The following ZNF432 variants were observed in gnomAD, a reference collection of about 807,000 sequenced individuals.
The protein encoded by ZNF432 is zinc finger protein 432.
ZNF432 carries 10 observed loss-of-function variants against 13.9 expected under a neutral mutation model. The ratio of observed to expected loss-of-function variants is 0.72; its 90% CI spans 0.44 to 1.22. The LOEUF (loss-of-function observed/expected upper bound fraction) is 1.22. Ranked by LOEUF, ZNF432 falls within the 50% of genes most tolerant of loss-of-function variation. ZNF432 has a pLI of 0.00. For missense variants in ZNF432, 793 were observed against 796.2 expected (o/e 1.00, Z 0.05); for synonymous variants, 247 against 256.2 (o/e 0.96, Z 0.34).
Position 52,037,370 on chromosome 19 carries a change from G to C in ZNF432, c.239-1930C>G, listed in dbSNP as rs190375377. On this transcript the variant is annotated intron_variant, in intron 4 of 4. Coordinates refer to ENST00000221315, the MANE Select transcript of ZNF432 (RefSeq NM_014650.4). The stretch of plus-strand genomic sequence containing the variant: ...CGTTATCATATGTTTCATTAATTAT[G>C]AAACAGGAAAACAATGATAGGGAAT... Among the ~76,000 whole-genome samples, 4 of 152,314 alleles carry C rather than the reference G, an allele frequency of 2.6e-5. No individual in the cohort carries two copies. In the East Asian group the frequency reaches 7.7e-4, roughly 29 times the overall value.
Position 52,033,314 on chromosome 19 carries a change from CT to C in ZNF432, c.*405del, listed in dbSNP as rs1173838389. ...TATATGCATGTATGCTAGGAGCACA[CT>C]GCTGTTTAATCAGTTCACATTACTA... On this transcript the variant is annotated 3_prime_UTR_variant, in exon 5 of 5. Coordinates refer to ENST00000221315, the MANE Select transcript of ZNF432 (RefSeq NM_014650.4). 1.2e-5 allele frequency: 2 copies of C among 171,172 alleles called. No individual in the cohort carries two copies. Among genetic ancestry groups the C allele is most frequent in the African/African-American group, 4.8e-5 (2 of 41,772 alleles). 10.6% of individuals were successfully genotyped at this position (171,172 alleles called of 1,614,324 possible). A position where few individuals can be genotyped will look rare whatever the true frequency, so the allele number is the denominator to read the frequency against.
At chr19:52,039,184 C>A (rs2087111070) in intron 4 of ZNF432, among the ~76,000 whole-genome samples, 1 of 152,152 alleles carries the variant, frequency 6.6e-6, no homozygotes, top group Non-Finnish European at 1.5e-5. Context: ...GTACTTGGAC[C>A]CCCTCCTGGA....
intron 2 of ZNF432, among the ~76,000 whole-genome samples, chr19:52,042,857 T>C (rs764819943): frequency 1.3e-5 from 2 of 152,132 alleles, no homozygotes; most frequent in African/African-American, 2.4e-5. Context: ...CAACTGTTAA[T>C]AGAAGGAAAA....
At chr19:52,039,888 G>T (rs775688809) in intron 4 of ZNF432, among the ~76,000 whole-genome samples, 6 of 150,988 alleles carry the variant, frequency 4.0e-5, no homozygotes, top group Non-Finnish European at 5.9e-5. Flanking sequence ...ATTGCCTAGG[G>T]CTGGGGGCTT....
rs770315114 is a variant in ZNF432, at chr19:52,034,062, T to C, written c.1617A>G (p.Lys539=). 39 of 1,613,984 alleles carry C rather than the reference T, an allele frequency of 2.4e-5. No homozygotes were observed. The highest frequency in any genetic ancestry group is 1.0e-4 in the Admixed American group (6 of 60,010). Residue 539 remains lysine, a synonymous_variant, in exon 5 of 5, where the codon AAA becomes AAG. Coordinates refer to ENST00000221315, the MANE Select transcript of ZNF432 (RefSeq NM_014650.4). ...VVHQRTHTGE[K]PFMCSECGKG... is the part of the protein sequence containing the mutation. ...TTCCACATTCACTGCACATAAAGGG[T>C]TTCTCTCCAGTATGAGTTCGCTGGT... is the stretch of plus-strand genomic sequence containing the variant.
Position 52,033,973 on chromosome 19 carries a change from C to A in ZNF432, c.1706G>T (p.Cys569Phe), listed in dbSNP as rs1350514148. 3.1e-6 allele frequency: 5 copies of A among 1,614,106 alleles called. No individual in the cohort carries two copies. In the South Asian group the frequency reaches 5.5e-5, roughly 18 times the overall value. ...GCCTCTTCCACATTCACTACATATA[C>A]AAGATTTCTCTTCTGTATGAATTTG... ...HQQIHTEEKS[C>F]ICSECGRGFA... The change falls in exon 5 of 5, where the codon TGT becomes TTT. Residue 569 changes from cysteine (C) to phenylalanine (F), a missense_variant. By Grantham distance (205) the Cys-to-Phe change is radical (BLOSUM62 -2). Coordinates refer to ENST00000221315, the MANE Select transcript of ZNF432 (RefSeq NM_014650.4).
At chr19:52,045,202 C>T (rs999477618) in intron 2 of ZNF432, among the ~76,000 whole-genome samples, 1 of 152,210 alleles carries the variant, frequency 6.6e-6, no homozygotes, top group Non-Finnish European at 1.5e-5. Context: ...CAGACACATA[C>T]ATAAAACACA....
chr19:52,034,499 T>C lies in ZNF432; in HGVS notation c.1180A>G (p.Thr394Ala). 1 of 1,614,062 alleles carries C rather than the reference T, an allele frequency of 6.2e-7. No homozygotes were observed. The highest frequency in any genetic ancestry group is 8.5e-7 in the Non-Finnish European group (1 of 1,180,032). ...MKSRMIEHQR[T>A]HTGEKPYICS... ...ATGTAGGGTTTCTCTCCTGTATGAG[T>C]TCGTTGATGTTCGATCATACGGCTC... Residue 394 changes from threonine to alanine, a missense_variant, in exon 5 of 5, where the codon ACT (threonine) becomes GCT (alanine). By Grantham distance (58) the Thr-to-Ala change is moderately conservative (BLOSUM62 0). Coordinates refer to ENST00000221315, the MANE Select transcript of ZNF432 (RefSeq NM_014650.4).
chr19:52,041,369 G>A, intron 3 of ZNF432, 111 bp downstream of exon 3: 8 of 1,377,352 alleles, frequency 5.8e-6, no homozygotes, highest in Non-Finnish European at 6.8e-6. Flanking sequence ...CAGAGGATGT[G>A]CCAAAAATCT....
chr19:52,040,405 C>A, intron 4 of ZNF432, 83 bp downstream of exon 4: 1 of 1,214,006 alleles, frequency 8.2e-7, no homozygotes. Context: ...AATGTAGGCA[C>A]TGCTTCTGTG....
chr19:52,034,228 G>T lies in ZNF432; in HGVS notation c.1451C>A (p.Pro484His). Residue 484 changes from proline to histidine, a missense_variant, in exon 5 of 5, where the codon CCT becomes CAT. Coordinates refer to ENST00000221315, the MANE Select transcript of ZNF432 (RefSeq NM_014650.4). ...TTTCCCACATTCACTGCACCTGTAA[G>T]GTTTCTCTCCAGTATGAGTTCGCTG... is the stretch of plus-strand genomic sequence containing the variant. ...VHQRTHTGEK[P>H]YRCSECGKGF... 6.2e-7 allele frequency: 1 copy of T among 1,614,144 alleles called. No individual in the cohort carries two copies. The highest frequency in any genetic ancestry group is 8.5e-7 in the Non-Finnish European group (1 of 1,180,032).
At chr19:52,045,924 CGTGGAGG>C (rs2087177152) in intron 2 of ZNF432, among the ~76,000 whole-genome samples, 1 of 145,344 alleles carries the variant, frequency 6.9e-6, no homozygotes, top group Admixed American at 7.2e-5. Context: ...GAACCCAGGA[CGTGGAGG>C]TTGCAGTAAG....
intron 2 of ZNF432, among the ~76,000 whole-genome samples, chr19:52,045,105 G>A (rs1006997780): frequency 2.0e-5 from 3 of 152,162 alleles, no homozygotes; most frequent in Non-Finnish European, 4.4e-5. Flanking sequence ...CAGGCCACAG[G>A]TTGTACAAGC....
intron 4 of ZNF432, among the ~76,000 whole-genome samples, chr19:52,038,716 A>C (rs2087107225): frequency 6.6e-6 from 1 of 152,176 alleles, no homozygotes; most frequent in Admixed American, 6.5e-5. Context: ...TGTATTCCTT[A>C]ATTAACCCCT....
chr19:52,040,856 G>A (rs957711522), intron 3 of ZNF432, among the ~76,000 whole-genome samples: 3 of 151,146 alleles, frequency 2.0e-5, no homozygotes, highest in African/African-American at 7.3e-5. Flanking sequence ...CCTATAATCC[G>A]AGCACTATGG....
chr19:52,032,242 T>C lies in ZNF432; in HGVS notation c.*1478A>G, dbSNP rs2087021008. 1 of 152,124 alleles carries C rather than the reference T, an allele frequency of 6.6e-6. No homozygotes were observed. The highest frequency in any genetic ancestry group is 1.5e-5 in the Non-Finnish European group (1 of 68,026). 9.4% of individuals were successfully genotyped at this position (152,124 alleles called of 1,614,324 possible). A position where few individuals can be genotyped will look rare whatever the true frequency, so the allele number is the denominator to read the frequency against. ...AAAAATAAATTTGGGGCCTATAATA[T>C]GTAAGAACTAATAAATAACACCAGA... On this transcript the variant is annotated 3_prime_UTR_variant, in exon 5 of 5. Coordinates refer to ENST00000221315, the MANE Select transcript of ZNF432 (RefSeq NM_014650.4).
Position 52,046,968 on chromosome 19 carries a change from A to C in ZNF432, c.-100T>G. The C allele has an allele frequency of 7.9e-7, 1 of 1,258,096 alleles. No homozygotes were observed. Among genetic ancestry groups the C allele is most frequent in the South Asian group, 1.3e-5 (1 of 74,622 alleles). 77.9% of individuals were successfully genotyped at this position (1,258,096 alleles called of 1,614,324 possible). A position where few individuals can be genotyped will look rare whatever the true frequency, so the allele number is the denominator to read the frequency against. ...TATTTAGAAACTTCAGTCACCAGTG[A>C]AGGGTGTCCACAGAAATCATATCTA... On this transcript the variant is annotated 5_prime_UTR_variant, in exon 2 of 5. Transcript: ENST00000221315.
Position 52,031,555 on chromosome 19 carries a change from G to A in ZNF432, c.*2165C>T, listed in dbSNP as rs568716096. On this transcript the variant is annotated 3_prime_UTR_variant, in exon 5 of 5. Transcript: ENST00000221315. ...ACCTAACAACTTGGATAGATCTTAA[G>A]GGTAATTTGCTGAGTGAACAAAGCC... 4.6e-5 allele frequency: 7 copies of A among 152,294 alleles called. No individual in the cohort carries two copies. Among genetic ancestry groups the A allele is most frequent in the African/African-American group, 1.7e-4 (7 of 41,568 alleles). 9.4% of individuals were successfully genotyped at this position (152,294 alleles called of 1,614,324 possible). A position where few individuals can be genotyped will look rare whatever the true frequency, so the allele number is the denominator to read the frequency against.
At chr19:52,040,639 T>C (rs1182318282) in intron 3 of ZNF432, 56 bp from the exon 4 acceptor site, 2 of 1,384,024 alleles carry the variant, frequency 1.4e-6, no homozygotes, top group South Asian at 1.2e-5. Flanking sequence ...GGGTATGTAA[T>C]GTGAGAGAAT....
Sources: allele counts gnomAD v4.1 joint callset (sites outside exome capture counted in the v4.1 genomes callset), GRCh38; gene constraint gnomAD v4.1.1; transcripts MANE v1.5; gene names NCBI Gene and HGNC (gene_info 2026-07-23, HGNC 2026-07-21).